Variants in CUX2 observed in about 807,000 individuals in gnomAD.
CUX2 encodes the protein cut like homeobox 2.
A neutral mutation model predicts 144.8 loss-of-function variants in CUX2; 40 were observed. The observed-to-expected ratio is 0.28, with a 90% confidence interval of 0.21 to 0.36. The LOEUF is 0.36. CUX2 is among the 10% of genes least tolerant of loss of function. The pLI is 1.00. For missense variants in CUX2, 1,615 were observed against 1,994.0 expected (o/e 0.81, Z 3.62); for synonymous variants, 827 against 875.6 (o/e 0.94, Z 0.98).
At chr12:111,154,476 C>G (rs116440386) in intron 1 of CUX2, among the ~76,000 whole-genome samples, 1 of 152,110 alleles carries the variant, frequency 6.6e-6, no homozygotes. Flanking sequence ...GAAGGCCAGC[C>G]GGGCCACCTT....
chr12:111,096,736 G>C (rs1872839089), intron 1 of CUX2, among the ~76,000 whole-genome samples: 1 of 152,206 alleles, frequency 6.6e-6, no homozygotes, highest in African/African-American at 2.4e-5. Flanking sequence ...CCAACACTTT[G>C]GGAGGCCGAG....
intron 1 of CUX2, among the ~76,000 whole-genome samples, chr12:111,091,783 G>A (rs1459960150): frequency 1.3e-5 from 2 of 152,180 alleles, no homozygotes; most frequent in Admixed American, 6.5e-5. Flanking sequence ...CCCAGCTTCT[G>A]GTGGCTGCCG....
At chr12:111,228,292 C>T (rs1271331142) in intron 3 of CUX2, among the ~76,000 whole-genome samples, 1 of 152,108 alleles carries the variant, frequency 6.6e-6, no homozygotes, top group Non-Finnish European at 1.5e-5. Flanking sequence ...TTATAGTCAT[C>T]CCTCAGTATA....
Position 111,320,788 on chromosome 12 carries a change from CG to C in CUX2, c.2766+16del. 1.3e-6 allele frequency: 2 copies of C among 1,501,368 alleles called. No individual in the cohort carries two copies. Among genetic ancestry groups the C allele is most frequent in the South Asian group, 2.5e-5 (2 of 79,652 alleles). 93.0% of individuals were successfully genotyped at this position (1,501,368 alleles called of 1,614,324 possible). On this transcript the variant is annotated intron_variant, in intron 17 of 21. Coordinates refer to ENST00000261726, the MANE Select transcript of CUX2 (RefSeq NM_015267.4). The surrounding 1 kb of genome is among the most constrained non-coding windows in gnomAD (Gnocchi z 8.1). Reference sequence around the variant, plus strand: ...CTTCGGGGAGAAGGTGAGTGCAGGGCGGGCCCCCGGTGTCTGGGCTCTGGGA... The same window carrying C: ...CTTCGGGGAGAAGGTGAGTGCAGGGCGGCCCCCGGTGTCTGGGCTCTGGGA...
In CUX2 at chr12:111,306,131, C is replaced by T. The variant is rs527281548; in HGVS notation, c.859-790C>T. Among the ~76,000 whole-genome samples the T allele has an allele frequency of 5.7e-4, 87 of 152,240 alleles. 1 individual carries two copies. Among genetic ancestry groups the T allele is most frequent in the Admixed American group, 2.8e-3 (43 of 15,282 alleles). Reference sequence around the variant, plus strand: ...TTGCCAATGGTTCTTAATTAACCCCCGTGGAACCCGGCAAATGCCTGTGCT... The same window carrying T: ...TTGCCAATGGTTCTTAATTAACCCCTGTGGAACCCGGCAAATGCCTGTGCT... On this transcript the variant is annotated intron_variant, in intron 10 of 21. Transcript: ENST00000261726.
intron 1 of CUX2, among the ~76,000 whole-genome samples, chr12:111,166,647 C>T (rs1250556221): frequency 1.3e-5 from 2 of 152,220 alleles, no homozygotes; most frequent in East Asian, 3.9e-4. Flanking sequence ...TTTGAACCCT[C>T]GCATTTTGAC....
chr12:111,324,124 G>A (rs1036925675), intron 18 of CUX2, among the ~76,000 whole-genome samples: 1 of 152,104 alleles, frequency 6.6e-6, no homozygotes, highest in African/African-American at 2.4e-5. Flanking sequence ...GCCAAGGCGG[G>A]CGGATCACAA....
In CUX2 at chr12:111,164,729, C is replaced by CA. The variant is rs563918990; in HGVS notation, c.64-49470dup. The stretch of plus-strand genomic sequence containing the variant: ...TGGGAGTTTATGAAACCTTGAGGCA[C>CA]AGAGGAATGTTAGGGGTCCCATGAG... On this transcript the variant is annotated intron_variant, in intron 1 of 21. Transcript: ENST00000261726. Among the ~76,000 whole-genome samples, 26 of 152,126 alleles carry CA rather than the reference C, an allele frequency of 1.7e-4. No homozygotes were observed. The South Asian group carries it at 5.0e-3, about 29-fold the overall frequency.
intron 1 of CUX2, among the ~76,000 whole-genome samples, chr12:111,177,310 C>T (rs1460845704): frequency 6.6e-6 from 1 of 152,154 alleles, no homozygotes; most frequent in Non-Finnish European, 1.5e-5. Flanking sequence ...CTTTTCCCCC[C>T]TGCAGCCATC....
At position 111,295,804 on chromosome 12, in the gene CUX2, A is replaced by G. The variant is rs1246448488; in HGVS notation, c.637+395A>G. Among the ~76,000 whole-genome samples, 1 of 150,304 alleles carries G rather than the reference A, an allele frequency of 6.7e-6. No individual in the cohort carries two copies. The highest frequency in any genetic ancestry group is 1.5e-5 in the Non-Finnish European group (1 of 67,982). Reference sequence around the variant, plus strand: ...TTTAATACAACCCCTGCAGGGGCCAAAACGCTACCAAGCCACCGACTTAGG... The same window carrying G: ...TTTAATACAACCCCTGCAGGGGCCAGAACGCTACCAAGCCACCGACTTAGG... On this transcript the variant is annotated intron_variant, in intron 7 of 21. Coordinates refer to ENST00000261726, the MANE Select transcript of CUX2 (RefSeq NM_015267.4). The surrounding 1 kb of genome is among the most constrained non-coding windows in gnomAD (Gnocchi z 5.0).
At chr12:111,254,346 A>G (rs1182649437) in intron 3 of CUX2, among the ~76,000 whole-genome samples, 1 of 152,238 alleles carries the variant, frequency 6.6e-6, no homozygotes, top group Non-Finnish European at 1.5e-5. Context: ...GTAGGTGCTC[A>G]GTATGCACCA....
intron 3 of CUX2, among the ~76,000 whole-genome samples, chr12:111,218,277 G>C (rs1025081887): frequency 6.6e-6 from 1 of 152,146 alleles, no homozygotes; most frequent in African/African-American, 2.4e-5. Context: ...GCTTTGGGAG[G>C]CTGAAGTGGG....
rs1400736283 is a variant in CUX2, at chr12:111,293,716, A to T, written c.560+147A>T. The T allele has an allele frequency of 1.1e-5, 13 of 1,201,924 alleles. No individual in the cohort carries two copies. The highest frequency in any genetic ancestry group is 1.5e-5 in the Non-Finnish European group (13 of 877,536). 74.5% of individuals were successfully genotyped at this position (1,201,924 alleles called of 1,614,324 possible). ...GATGAGAAAGGGCCGAGGGCTTTGG[A>T]CTCCAACCGGGTCTGGGTTCAAGTT... On this transcript the variant is annotated intron_variant, in intron 6 of 21. Coordinates refer to ENST00000261726, the MANE Select transcript of CUX2 (RefSeq NM_015267.4). The surrounding 1 kb of genome is among the most constrained non-coding windows in gnomAD (Gnocchi z 4.5).
chr12:111,070,411 TC>T (rs1471536007), intron 1 of CUX2, among the ~76,000 whole-genome samples: 25 of 90,978 alleles, frequency 2.7e-4, no homozygotes, highest in Admixed American at 2.4e-3. Context: ...CTTCCTTCCT[TC>T]CTTCCTTCCT....
intron 2 of CUX2, among the ~76,000 whole-genome samples, chr12:111,217,498 T>C (rs1020285185): frequency 2.0e-5 from 3 of 152,066 alleles, no homozygotes; most frequent in African/African-American, 7.2e-5. Flanking sequence ...GCATGGAGAA[T>C]TGGGGTTACC....
chr12:111,118,464 A>G (rs1566233281), intron 1 of CUX2, among the ~76,000 whole-genome samples: 1 of 152,168 alleles, frequency 6.6e-6, no homozygotes, highest in Non-Finnish European at 1.5e-5. Flanking sequence ...CACCCCAGAA[A>G]TTGGCAAGCA....
chr12:111,148,883 G>C (rs777594490), intron 1 of CUX2, among the ~76,000 whole-genome samples: 3 of 152,078 alleles, frequency 2.0e-5, no homozygotes, highest in Non-Finnish European at 4.4e-5. Context: ...TGTAGTCTCA[G>C]CTACTCGGGA....
At chr12:111,138,780 C>T (rs1477385437) in intron 1 of CUX2, among the ~76,000 whole-genome samples, 3 of 152,110 alleles carry the variant, frequency 2.0e-5, no homozygotes, top group Non-Finnish European at 4.4e-5. Flanking sequence ...AGGGGCAGCC[C>T]ACAGCCCCTG....
At chr12:111,172,383 A>G (rs1008099364) in intron 1 of CUX2, among the ~76,000 whole-genome samples, 1 of 152,158 alleles carries the variant, frequency 6.6e-6, no homozygotes, top group African/African-American at 2.4e-5. Flanking sequence ...CCTTTTAACA[A>G]CCCGCTGGTT....
Sources: allele counts gnomAD v4.1 joint callset (sites outside exome capture counted in the v4.1 genomes callset), GRCh38; gene constraint gnomAD v4.1.1; non-coding constraint Gnocchi (gnomAD v3.1); transcripts MANE v1.5; gene names NCBI Gene and HGNC (gene_info 2026-07-23, HGNC 2026-07-21).